Variants in CSGALNACT1 observed in about 807,000 individuals in gnomAD.
CSGALNACT1 encodes the protein beta4GalNAcT-1.
CSGALNACT1 carries 52 observed loss-of-function variants against 51.0 expected under a neutral mutation model. The observed-to-expected ratio is 1.02, with a 90% CI of 0.82 to 1.29. The LOEUF is 1.29. CSGALNACT1 is among the 50% of genes most tolerant of loss of function. The pLI is 0.00. For synonymous variants in CSGALNACT1, 341 were observed against 254.4 expected (o/e 1.34, Z -3.24); for missense variants, 935 against 679.2 (o/e 1.38, Z -4.19).
intron 3 of CSGALNACT1, among the ~76,000 whole-genome samples, chr8:19,519,071 T>C (rs980959164): frequency 6.6e-6 from 1 of 152,188 alleles, no homozygotes. Flanking sequence ...TTTTAAAACA[T>C]TCTTTAGACA....
chr8:19,420,546 T>A (rs775285921), intron 6 of CSGALNACT1, 28 bp from the exon 6 acceptor site: 2 of 1,609,168 alleles, frequency 1.2e-6, no homozygotes, highest in South Asian at 2.2e-5. Context: ...GTACTGTCAC[T>A]CACATTCCCA....
At chr8:19,701,419 G>A (rs1485903954) in intron 1 of CSGALNACT1, among the ~76,000 whole-genome samples, 1 of 152,088 alleles carries the variant, frequency 6.6e-6, no homozygotes, top group Non-Finnish European at 1.5e-5. Flanking sequence ...CTCCCCAAGT[G>A]CTAGGATTAC....
At chr8:19,661,452 G>A (rs944212667) in intron 1 of CSGALNACT1, among the ~76,000 whole-genome samples, 1 of 152,210 alleles carries the variant, frequency 6.6e-6, no homozygotes, top group Admixed American at 6.5e-5. Context: ...ATGAAAAACT[G>A]TCTTCAATCT....
At chr8:19,598,106 A>G (rs1260409731) in intron 2 of CSGALNACT1, among the ~76,000 whole-genome samples, 1 of 152,228 alleles carries the variant, frequency 6.6e-6, no homozygotes, top group African/African-American at 2.4e-5. Flanking sequence ...GACATGGAGG[A>G]GAGAAGGTGA....
rs2065479523 is a variant in CSGALNACT1, at chr8:19,757,614, G to A, written c.-297+236C>T. ...AGAAGTTTAGAGACTAGGACACTGT[G>A]GCGTGGCCCGAGTTGCAGGAGAGAG... On this transcript the variant is annotated intron_variant, in intron 1 of 1. Coordinates refer to the CSGALNACT1 transcript ENST00000517494. The surrounding 1 kb of genome is among the most constrained non-coding windows in gnomAD (Gnocchi z 4.0). 1.3e-5 allele frequency among the ~76,000 whole-genome samples: 2 copies of A among 152,160 alleles called. No homozygotes were observed. The highest frequency in any genetic ancestry group is 2.1e-4 in the South Asian group (1 of 4,830).
intron 1 of CSGALNACT1, among the ~76,000 whole-genome samples, chr8:19,674,162 G>A (rs749146858): frequency 3.9e-5 from 6 of 152,244 alleles, no homozygotes; most frequent in South Asian, 2.1e-4. Flanking sequence ...GTGTGGTGGC[G>A]GACAACTGTA....
At chr8:19,601,413 C>G (rs1188241296) in intron 2 of CSGALNACT1, among the ~76,000 whole-genome samples, 1 of 152,158 alleles carries the variant, frequency 6.6e-6, no homozygotes, top group Non-Finnish European at 1.5e-5. Context: ...GTCCCAATTT[C>G]CAATGGGAGA....
intron 1 of CSGALNACT1, among the ~76,000 whole-genome samples, chr8:19,661,371 G>A (rs2058730310): frequency 6.6e-6 from 1 of 152,158 alleles, no homozygotes; most frequent in Admixed American, 6.5e-5. Flanking sequence ...TGAATGGAAT[G>A]CTGCAAAGTC....
intron 5 of CSGALNACT1, among the ~76,000 whole-genome samples, chr8:19,448,248 GAATCGTGGATTCAAT>G (rs1173279623): frequency 6.6e-6 from 1 of 152,152 alleles, no homozygotes; most frequent in Admixed American, 6.5e-5. Flanking sequence ...GTGGTCTAGG[GAATCGTGGATTCAAT>G]AATAAACACT....
intron 3 of CSGALNACT1, among the ~76,000 whole-genome samples, chr8:19,573,893 A>C (rs903427626): frequency 6.6e-6 from 1 of 152,192 alleles, no homozygotes; most frequent in Non-Finnish European, 1.5e-5. Flanking sequence ...GTTCCATCAT[A>C]AGCTGGCAAT....
chr8:19,638,019 C>T (rs1395930225), intron 1 of CSGALNACT1, among the ~76,000 whole-genome samples: 2 of 152,074 alleles, frequency 1.3e-5, no homozygotes, highest in Non-Finnish European at 2.9e-5. Context: ...AGCTCACTGG[C>T]TTTTGTCAAC....
chr8:19,507,030 A>G (rs762385730), intron 3 of CSGALNACT1, among the ~76,000 whole-genome samples: 10 of 152,216 alleles, frequency 6.6e-5, no homozygotes, highest in Admixed American at 2.0e-4. Flanking sequence ...GAGGATCGAC[A>G]TGGTTCTGAG....
chr8:19,630,194 C>CTGTGTGTGTG (rs55947851), intron 1 of CSGALNACT1, among the ~76,000 whole-genome samples: 106 of 137,888 alleles, frequency 7.7e-4, no homozygotes, highest in African/African-American at 2.4e-3. Flanking sequence ...TCCCACGTCT[C>CTGTGTGTGTG]TGTGTGTGTG....
At chr8:19,623,623 G>C (rs1589104035) in intron 1 of CSGALNACT1, among the ~76,000 whole-genome samples, 1 of 152,174 alleles carries the variant, frequency 6.6e-6, no homozygotes, top group Non-Finnish European at 1.5e-5. Flanking sequence ...TCTAAGAATT[G>C]AAATTACACA....
intron 4 of CSGALNACT1, among the ~76,000 whole-genome samples, chr8:19,472,976 A>C (rs976960978): frequency 6.6e-6 from 1 of 152,210 alleles, no homozygotes; most frequent in Non-Finnish European, 1.5e-5. Context: ...AATTGTTCTT[A>C]CTATTATTAT....
intron 1 of CSGALNACT1, among the ~76,000 whole-genome samples, chr8:19,655,115 A>C (rs940548523): frequency 2.0e-5 from 3 of 152,132 alleles, no homozygotes; most frequent in Non-Finnish European, 4.4e-5. Flanking sequence ...CGCTCTTTGG[A>C]AAATAGTGAT....
intron 1 of CSGALNACT1, among the ~76,000 whole-genome samples, chr8:19,645,553 A>C (rs2057190024): frequency 1.3e-5 from 2 of 152,226 alleles, no homozygotes; most frequent in Admixed American, 1.3e-4. Flanking sequence ...AACACAGATA[A>C]CAAGGAACCT....
At chr8:19,432,673 A>G (rs1188924168) in intron 6 of CSGALNACT1, among the ~76,000 whole-genome samples, 1 of 151,960 alleles carries the variant, frequency 6.6e-6, no homozygotes, top group East Asian at 1.9e-4. Flanking sequence ...AAGTTTGCCA[A>G]TTATTTCTTC....
At chr8:19,706,717 C>T (rs905401351) in intron 1 of CSGALNACT1, among the ~76,000 whole-genome samples, 1 of 152,126 alleles carries the variant, frequency 6.6e-6, no homozygotes. Context: ...TGGGCACTCC[C>T]GGCTCAAGCA....
Sources: allele counts gnomAD v4.1 joint callset (sites outside exome capture counted in the v4.1 genomes callset), GRCh38; gene constraint gnomAD v4.1.1; non-coding constraint Gnocchi (gnomAD v3.1); transcripts MANE v1.5; gene names NCBI Gene and HGNC (gene_info 2026-07-23, HGNC 2026-07-21).